Variants in CSMD1 observed in about 807,000 individuals in gnomAD.
CSMD1 encodes CUB and Sushi multiple domains 1.
CSMD1 carries 213 observed loss-of-function variants against 417.5 expected under a neutral mutation model. The ratio of observed to expected loss-of-function variants is 0.51; its 90% CI spans 0.46 to 0.57. CSMD1 has a LOEUF of 0.57. CSMD1 is among the 20% of genes least tolerant of loss of function. CSMD1 has a pLI of 0.00. For missense variants in CSMD1, 6,923 were observed against 4,529.7 expected (o/e 1.53, Z -15.17); for synonymous variants, 2,862 against 1,736.8 (o/e 1.65, Z -16.11).
At position 3,500,153 on chromosome 8, in the gene CSMD1, T is replaced by C. The variant is rs555863297; in HGVS notation, c.1345-6427A>G. Among the ~76,000 whole-genome samples, 6 of 152,264 alleles carry C rather than the reference T, an allele frequency of 3.9e-5. No individual in the cohort carries two copies. In the East Asian group the frequency reaches 7.8e-4, roughly 20 times the overall value. On this transcript the variant is annotated intron_variant, in intron 10 of 69. Coordinates refer to ENST00000635120, the MANE Select transcript of CSMD1 (RefSeq NM_033225.6). ...CTTCACGTTCATCTTTATGCTGCCA[T>C]CTTGAGTTTCCATGCCTTAGAGGGT...
At chr8:4,655,469 T>A (rs1000232910) in intron 1 of CSMD1, among the ~76,000 whole-genome samples, 1 of 152,152 alleles carries the variant, frequency 6.6e-6, no homozygotes, top group African/African-American at 2.4e-5. Context: ...TTCTGGCTTA[T>A]TTTTTGGAAA....
intron 25 of CSMD1, among the ~76,000 whole-genome samples, chr8:3,292,258 G>A (rs531782955): frequency 3.9e-5 from 6 of 152,228 alleles, no homozygotes; most frequent in East Asian, 3.9e-4. Flanking sequence ...TATGTGGTCA[G>A]TTTTGGAGTA....
intron 1 of CSMD1, among the ~76,000 whole-genome samples, chr8:4,966,209 CAAAAAAAAA>C (rs33941630): frequency 1.2e-4 from 11 of 89,138 alleles, no homozygotes; most frequent in Non-Finnish European, 1.8e-4. Flanking sequence ...ACTAAATATA[CAAAAAAAAA>C]AAAAAAAAAA....
At chr8:4,189,171 C>T (rs1014180033) in intron 3 of CSMD1, among the ~76,000 whole-genome samples, 1 of 152,208 alleles carries the variant, frequency 6.6e-6, no homozygotes, top group Non-Finnish European at 1.5e-5. Flanking sequence ...AGAAGGTGCA[C>T]ACACAGCACG....
At chr8:4,180,997 A>G (rs1798340096) in intron 3 of CSMD1, among the ~76,000 whole-genome samples, 1 of 152,192 alleles carries the variant, frequency 6.6e-6, no homozygotes, top group Non-Finnish European at 1.5e-5. Context: ...CGTACCCACT[A>G]TTATGGAATA....
chr8:3,735,331 C>T (rs1159846221), intron 6 of CSMD1, among the ~76,000 whole-genome samples: 2 of 152,168 alleles, frequency 1.3e-5, no homozygotes, highest in Admixed American at 6.5e-5. Flanking sequence ...CAAACACACA[C>T]ACACACAACC....
At chr8:4,495,812 G>T (rs186788101) in intron 2 of CSMD1, among the ~76,000 whole-genome samples, 53 of 152,184 alleles carry the variant, frequency 3.5e-4, no homozygotes, top group Non-Finnish European at 6.6e-4. Context: ...GCTAACATTT[G>T]TCATAGCCTC....
chr8:4,024,166 G>T (rs894418273), intron 4 of CSMD1, among the ~76,000 whole-genome samples: 4 of 152,086 alleles, frequency 2.6e-5, no homozygotes, highest in Non-Finnish European at 5.9e-5. Context: ...AGAATCAGTT[G>T]TATTATTCCA....
At chr8:4,950,081 C>T (rs1374042330) in intron 1 of CSMD1, among the ~76,000 whole-genome samples, 1 of 150,526 alleles carries the variant, frequency 6.6e-6, no homozygotes, top group African/African-American at 2.4e-5. Flanking sequence ...AAATATTTCT[C>T]TATAAATATT....
intron 3 of CSMD1, among the ~76,000 whole-genome samples, chr8:4,209,347 A>G (rs1199210789): frequency 1.3e-5 from 2 of 152,206 alleles, no homozygotes; most frequent in South Asian, 2.1e-4. Context: ...AGGGACAGAA[A>G]GAATTCCAAA....
At chr8:3,771,130 C>G (rs939837704) in intron 5 of CSMD1, among the ~76,000 whole-genome samples, 3 of 151,870 alleles carry the variant, frequency 2.0e-5, no homozygotes, top group African/African-American at 4.8e-5. Flanking sequence ...AAATTGTGAA[C>G]AAAAAATAAA....
chr8:3,783,108 C>T (rs1230249829), intron 5 of CSMD1, among the ~76,000 whole-genome samples: 4 of 152,146 alleles, frequency 2.6e-5, no homozygotes, highest in Non-Finnish European at 4.4e-5. Flanking sequence ...CCTCCACCAT[C>T]CTCCCTTCTC....
intron 3 of CSMD1, among the ~76,000 whole-genome samples, chr8:4,343,542 A>G (rs547524265): frequency 2.6e-5 from 4 of 152,252 alleles, no homozygotes; most frequent in Non-Finnish European, 5.9e-5. Flanking sequence ...GTTATATACA[A>G]TGTTACTTGT....
intron 7 of CSMD1, among the ~76,000 whole-genome samples, chr8:3,669,412 G>C (rs577120433): frequency 4.6e-5 from 7 of 152,132 alleles, no homozygotes; most frequent in Non-Finnish European, 7.3e-5. Context: ...CTAGGGGTTC[G>C]TGTTTACACT....
intron 3 of CSMD1, among the ~76,000 whole-genome samples, chr8:4,211,056 C>G (rs1016942345): frequency 6.6e-6 from 1 of 152,138 alleles, no homozygotes; most frequent in African/African-American, 2.4e-5. Flanking sequence ...CATTTCCTTC[C>G]TTAAGAAATT....
At chr8:3,491,301 C>T (rs1818364900) in intron 11 of CSMD1, among the ~76,000 whole-genome samples, 1 of 152,132 alleles carries the variant, frequency 6.6e-6, no homozygotes, top group African/African-American at 2.4e-5. Flanking sequence ...GGGGTAAATC[C>T]TTTAACCTAT....
chr8:3,412,853 C>T (rs6989901), intron 12 of CSMD1, among the ~76,000 whole-genome samples: 99,668 of 151,988 alleles, frequency 0.66, 33,053 homozygotes, highest in Middle Eastern at 0.8. Context: ...TCACTGAAAC[C>T]GACAGTGAGT....
At chr8:2,999,211 G>A (rs1286278318) in intron 53 of CSMD1, among the ~76,000 whole-genome samples, 1 of 145,274 alleles carries the variant, frequency 6.9e-6, no homozygotes, top group Non-Finnish European at 1.5e-5. Context: ...CTGGGGTGCA[G>A]CGGCACGATC....
At chr8:4,243,197 A>G (rs1802503486) in intron 3 of CSMD1, among the ~76,000 whole-genome samples, 1 of 152,120 alleles carries the variant, frequency 6.6e-6, no homozygotes, top group African/African-American at 2.4e-5. Context: ...GCTGAGGAGG[A>G]CATGGCAGAG....
Sources: allele counts gnomAD v4.1 joint callset (sites outside exome capture counted in the v4.1 genomes callset), GRCh38; gene constraint gnomAD v4.1.1; transcripts MANE v1.5; gene names NCBI Gene and HGNC (gene_info 2026-07-23, HGNC 2026-07-21).